The following SNTG2 variants were observed in gnomAD, a reference collection of about 807,000 sequenced individuals.
SNTG2 encodes syntrophin gamma 2.
Under a neutral mutation model 70.9 loss-of-function variants are expected in SNTG2, and 74 were observed. The observed-to-expected ratio is 1.04, with a 90% CI of 0.86 to 1.27. The LOEUF is 1.27. SNTG2 is among the 50% of genes most tolerant of loss of function. SNTG2 has a pLI of 0.00. For missense variants in SNTG2, 717 were observed against 690.7 expected (o/e 1.04, Z -0.43); for synonymous variants, 278 against 273.8 (o/e 1.02, Z -0.15).
At chr2:990,091 C>T (rs1053094553) in intron 1 of SNTG2, among the ~76,000 whole-genome samples, 1 of 152,224 alleles carries the variant, frequency 6.6e-6, no homozygotes, top group Non-Finnish European at 1.5e-5. Flanking sequence ...TAACCTTTGA[C>T]CTTTCTTTTA....
intron 13 of SNTG2, among the ~76,000 whole-genome samples, chr2:1,263,374 TA>T: frequency 6.6e-6 from 1 of 152,338 alleles, no homozygotes; most frequent in African/African-American, 2.4e-5. Context: ...ATTATTGACA[TA>T]TTTTTAAAAA....
At chr2:1,105,806 A>G in intron 4 of SNTG2, among the ~76,000 whole-genome samples, 1 of 152,070 alleles carries the variant, frequency 6.6e-6, no homozygotes, top group East Asian at 1.9e-4. Flanking sequence ...TCCCACAGCC[A>G]CATTTGTCTC....
chr2:1,337,592 C>T (rs1233378435), intron 16 of SNTG2, among the ~76,000 whole-genome samples: 1 of 152,028 alleles, frequency 6.6e-6, no homozygotes, highest in East Asian at 1.9e-4. Flanking sequence ...GATATTAGCT[C>T]CTTATCAAAT....
intron 4 of SNTG2, among the ~76,000 whole-genome samples, chr2:1,113,004 G>A (rs982624788): frequency 2.0e-5 from 3 of 151,424 alleles, no homozygotes; most frequent in African/African-American, 7.3e-5. Context: ...GCAGTCCTTT[G>A]TGAAGGATCA....
intron 7 of SNTG2, among the ~76,000 whole-genome samples, chr2:1,170,950 C>G (rs1225059809): frequency 6.6e-6 from 1 of 152,064 alleles, no homozygotes; most frequent in African/African-American, 2.4e-5. Flanking sequence ...GCAGCCGCAC[C>G]ATTTTACATT....
chr2:1,313,752 A>G (rs1023066155), intron 15 of SNTG2, among the ~76,000 whole-genome samples: 1 of 152,168 alleles, frequency 6.6e-6, no homozygotes, highest in African/African-American at 2.4e-5. Context: ...GCCTGCGCCC[A>G]TGGAGCCCCA....
intron 7 of SNTG2, among the ~76,000 whole-genome samples, chr2:1,168,934 G>A (rs545225858): frequency 2.0e-5 from 3 of 152,288 alleles, no homozygotes; most frequent in East Asian, 3.9e-4. Context: ...AATGTCACAC[G>A]CGGCACAGTG....
intron 1 of SNTG2, among the ~76,000 whole-genome samples, chr2:1,062,248 C>T (rs1662872741): frequency 1.3e-5 from 2 of 152,182 alleles, no homozygotes; most frequent in Admixed American, 1.3e-4. Context: ...TGAACATGAT[C>T]AAGCCCACTC....
intron 4 of SNTG2, among the ~76,000 whole-genome samples, chr2:1,105,165 G>A (rs983396936): frequency 6.6e-6 from 1 of 152,130 alleles, no homozygotes; most frequent in African/African-American, 2.4e-5. Flanking sequence ...GCCCTCTGCT[G>A]AACCATGGGA....
chr2:985,224 C>T (rs1572192201), intron 1 of SNTG2, among the ~76,000 whole-genome samples: 1 of 152,204 alleles, frequency 6.6e-6, no homozygotes, highest in East Asian at 1.9e-4. Context: ...GAATTTATAT[C>T]GGGTTCCATC....
At chr2:1,182,578 A>G (rs1671988236) in intron 8 of SNTG2, among the ~76,000 whole-genome samples, 1 of 152,208 alleles carries the variant, frequency 6.6e-6, no homozygotes, top group Non-Finnish European at 1.5e-5. Flanking sequence ...GAGAGGAAAG[A>G]TTGCCTCCCA....
At chr2:1,231,347 G>A (rs770019933) in intron 9 of SNTG2, among the ~76,000 whole-genome samples, 7 of 152,136 alleles carry the variant, frequency 4.6e-5, no homozygotes, top group Non-Finnish European at 8.8e-5. Flanking sequence ...AAATAGATCC[G>A]AAACGTGAAT....
intron 1 of SNTG2, among the ~76,000 whole-genome samples, chr2:1,004,292 G>A (rs1659499001): frequency 6.6e-6 from 1 of 152,132 alleles, no homozygotes; most frequent in South Asian, 2.1e-4. Context: ...CTTTTGATAT[G>A]ACATCAAAAG....
chr2:1,103,392 T>TTA, intron 4 of SNTG2: 4 of 206,438 alleles, frequency 1.9e-5, no homozygotes, highest in South Asian at 6.4e-5. Context: ...TTTTTTTTTA[T>TTA]TTTTTTTTTT....
intron 1 of SNTG2, among the ~76,000 whole-genome samples, chr2:983,283 C>G (rs1157667386): frequency 1.2e-4 from 10 of 81,260 alleles, no homozygotes; most frequent in African/African-American, 1.5e-4. Context: ...AGCAGAGGCT[C>G]TCTTCCATAG....
At chr2:1,206,383 G>A (rs898846030) in intron 8 of SNTG2, among the ~76,000 whole-genome samples, 4 of 152,152 alleles carry the variant, frequency 2.6e-5, no homozygotes, top group African/African-American at 9.7e-5. Context: ...GTCAGTGCCA[G>A]CTTGTGACTG....
At chr2:988,303 C>G (rs1353640696) in intron 1 of SNTG2, among the ~76,000 whole-genome samples, 2 of 152,198 alleles carry the variant, frequency 1.3e-5, no homozygotes, top group African/African-American at 4.8e-5. Flanking sequence ...CACTCATGAC[C>G]CCAGAGGCCC....
At chr2:1,245,744 G>C (rs534231293) in intron 11 of SNTG2, among the ~76,000 whole-genome samples, 1 of 152,216 alleles carries the variant, frequency 6.6e-6, no homozygotes, top group Non-Finnish European at 1.5e-5. Flanking sequence ...AAAATAATCT[G>C]TGTATTTGGT....
chr2:1,165,691 T>C, intron 7 of SNTG2, 56 bp downstream of exon 7: 1 of 1,422,170 alleles, frequency 7.0e-7, no homozygotes, highest in South Asian at 1.2e-5. Context: ...TCTTGCCACA[T>C]TATTTATCCA....
Sources: allele counts gnomAD v4.1 joint callset (sites outside exome capture counted in the v4.1 genomes callset), GRCh38; gene constraint gnomAD v4.1.1; transcripts MANE v1.5; gene names NCBI Gene and HGNC (gene_info 2026-07-23, HGNC 2026-07-21).